The following FNIP2 variants were observed in gnomAD, a reference collection of about 807,000 sequenced individuals.
FNIP2 encodes folliculin-interacting protein 2.
FNIP2 carries 32 observed loss-of-function variants against 108.7 expected under a neutral mutation model. That is an observed-to-expected ratio of 0.29 (90% CI 0.22 to 0.40). The LOEUF is 0.40. FNIP2 is among the 10% of genes least tolerant of loss of function. The pLI, the probability that FNIP2 is intolerant of heterozygous loss-of-function variation, is 1.00. For missense variants in FNIP2, 1,202 were observed against 1,381.6 expected, an observed-to-expected ratio of 0.87 and a Z score of 2.06; for synonymous variants, 480 against 496.7, an observed-to-expected ratio of 0.97 and a Z score of 0.45.
In FNIP2 at chr4:158,869,229, G is replaced by A. The variant is rs759181083; in HGVS notation, c.2593G>A (p.Val865Met). ...PRCVQRGPGLVAGANIPCGDD... is the reference protein window; with the variant it reads ...PRCVQRGPGLMAGANIPCGDD... ...GTGTGTCCAGCGGGGCCCTGGCCTC[G>A]TGGCTGGTGCGAATATCCCCTGTGG... is the stretch of plus-strand genomic sequence containing the variant. Residue 865 changes from valine to methionine, a missense_variant, in exon 13 of 17, where the codon GTG (valine) becomes ATG (methionine). Coordinates refer to ENST00000264433, the MANE Select transcript of FNIP2 (RefSeq NM_020840.3). 10 of 1,613,946 alleles carry A rather than the reference G, an allele frequency of 6.2e-6. No homozygotes were observed. The East Asian group carries it at 1.1e-4, about 18-fold the overall frequency.
intron 8 of FNIP2, among the ~76,000 whole-genome samples, chr4:158,854,798 A>ATTC (rs998885760): frequency 3.9e-5 from 6 of 152,204 alleles, no homozygotes; most frequent in African/African-American, 1.4e-4. Context: ...TCTTGTCGGA[A>ATTC]TTCTTTTTGA....
In FNIP2 at chr4:158,893,722, A is replaced by C. The variant is rs755504427; in HGVS notation, c.3151-2028A>C. ...TAGAGGTTAATGTTTCCTTTTCTGT[A>C]AGAGAAGTAATGTATATTAGACTTC... On this transcript the variant is annotated intron_variant, in intron 15 of 16. Coordinates refer to ENST00000264433, the MANE Select transcript of FNIP2 (RefSeq NM_020840.3). 3 of 1,574,538 alleles carry C rather than the reference A, an allele frequency of 1.9e-6. No homozygotes were observed. The African/African-American group carries it at 4.0e-5, about 21-fold the overall frequency.
At chr4:158,899,090 A>G (rs1782961619) in intron 16 of FNIP2, among the ~76,000 whole-genome samples, 1 of 152,122 alleles carries the variant, frequency 6.6e-6, no homozygotes, top group Non-Finnish European at 1.5e-5. Context: ...TTCTGCATCT[A>G]TTGAGATGAG....
intron 1 of FNIP2, among the ~76,000 whole-genome samples, chr4:158,794,402 C>G (rs1409619642): frequency 6.6e-6 from 1 of 152,142 alleles, no homozygotes; most frequent in Non-Finnish European, 1.5e-5. Flanking sequence ...GTGATCCTCC[C>G]AAGTGAGCCT....
chr4:158,825,362 G>A (rs981606705), intron 1 of FNIP2, among the ~76,000 whole-genome samples: 8 of 152,138 alleles, frequency 5.3e-5, no homozygotes, highest in African/African-American at 1.9e-4. Context: ...CTACAGTGAT[G>A]CACTTGGTTT....
chr4:158,816,498 C>T (rs1777575092), intron 1 of FNIP2, among the ~76,000 whole-genome samples: 1 of 152,064 alleles, frequency 6.6e-6, no homozygotes, highest in Admixed American at 6.6e-5. Flanking sequence ...AAAGAATTAG[C>T]TCGGCCAGGC....
intron 1 of FNIP2, among the ~76,000 whole-genome samples, chr4:158,776,116 T>C (rs1029742581): frequency 1.3e-5 from 2 of 152,240 alleles, no homozygotes; most frequent in Admixed American, 1.3e-4. Flanking sequence ...TATGTGCTGA[T>C]GTCTAATTGA....
At chr4:158,882,851 A>T (rs1031351411) in intron 14 of FNIP2, among the ~76,000 whole-genome samples, 2 of 152,174 alleles carry the variant, frequency 1.3e-5, no homozygotes, top group Non-Finnish European at 2.9e-5. Flanking sequence ...CCAGGGACAC[A>T]AATACTGCGG....
intron 7 of FNIP2, among the ~76,000 whole-genome samples, chr4:158,849,906 C>T (rs1025342838): frequency 6.6e-6 from 1 of 151,992 alleles, no homozygotes; most frequent in African/African-American, 2.4e-5. Context: ...TTAAGACCTA[C>T]CAAACAAATT....
chr4:158,829,107 C>T lies in FNIP2; in HGVS notation c.263C>T (p.Ser88Leu). ...ACAGAGGATGTTCCTATTAAAATAT[C>T]AGCCAAGTGCTGCCAGGGAAGCAGC... Reference protein sequence around the residue: ...QKTEDVPIKISAKCCQGSSSV... With the variant: ...QKTEDVPIKILAKCCQGSSSV... Residue 88 changes from serine to leucine, a missense_variant, in exon 3 of 17, where the codon TCA becomes TTA. This residue lies in a region of FNIP2 where 173 missense variants were observed against 165.9 expected (regional missense o/e 1.04). Coordinates refer to ENST00000264433, the MANE Select transcript of FNIP2 (RefSeq NM_020840.3). 1.2e-6 allele frequency: 2 copies of T among 1,611,140 alleles called. No homozygotes were observed. The highest frequency in any genetic ancestry group is 1.7e-6 in the Non-Finnish European group (2 of 1,178,640).
chr4:158,864,242 C>T (rs1292960696), intron 12 of FNIP2, among the ~76,000 whole-genome samples: 5 of 152,186 alleles, frequency 3.3e-5, no homozygotes. Flanking sequence ...GCAGGCTGGT[C>T]GCTGGTCTTG....
chr4:158,813,748 C>T (rs962297325), intron 1 of FNIP2, among the ~76,000 whole-genome samples: 3 of 152,150 alleles, frequency 2.0e-5, no homozygotes, highest in African/African-American at 4.8e-5. Context: ...GAGAATCCTT[C>T]GCCATGCTCA....
intron 16 of FNIP2, among the ~76,000 whole-genome samples, chr4:158,896,196 G>A (rs138846099): frequency 1.3e-5 from 2 of 152,328 alleles, no homozygotes; most frequent in Admixed American, 1.3e-4. Flanking sequence ...GTCACAAGCT[G>A]TGGGACATGC....
At chr4:158,862,288 A>G (rs1780340161) in intron 12 of FNIP2, among the ~76,000 whole-genome samples, 1 of 152,188 alleles carries the variant, frequency 6.6e-6, no homozygotes, top group Non-Finnish European at 1.5e-5. Context: ...GAAAGCTGAC[A>G]CTGTGAGCCA....
chr4:158,794,716 A>G (rs1490806033), intron 1 of FNIP2: 3 of 152,460 alleles, frequency 2.0e-5, no homozygotes, highest in East Asian at 3.9e-4. Flanking sequence ...TTCTTATTGC[A>G]GTTTTAAATA....
chr4:158,893,774 A>G (rs767781768), intron 15 of FNIP2: 1 of 1,232,368 alleles, frequency 8.1e-7, no homozygotes, highest in Non-Finnish European at 1.2e-6. Flanking sequence ...GTATTTGCCA[A>G]ACTTTTATAT....
At chr4:158,877,551 G>A (rs1471556713) in intron 14 of FNIP2, among the ~76,000 whole-genome samples, 1 of 152,322 alleles carries the variant, frequency 6.6e-6, no homozygotes, top group East Asian at 1.9e-4. Flanking sequence ...GGCCATATGT[G>A]ATTGTTACCC....
At chr4:158,790,784 G>T (rs1776387423) in intron 1 of FNIP2, among the ~76,000 whole-genome samples, 1 of 151,732 alleles carries the variant, frequency 6.6e-6, no homozygotes, top group African/African-American at 2.4e-5. Flanking sequence ...TAATAAAAGT[G>T]ATCAGTAAAG....
At chr4:158,861,586 A>T in intron 11 of FNIP2, 21 bp from the exon 12 acceptor site, 5 of 1,613,960 alleles carry the variant, frequency 3.1e-6, no homozygotes, top group Non-Finnish European at 4.2e-6. Context: ...AGTTGGTTGT[A>T]TCTTTTTCCA....
Sources: gnomAD v4.1 joint callset for allele counts (sites outside exome capture counted in the v4.1 genomes callset) on GRCh38, gnomAD v4.1.1 for gene constraint, gnomAD v4.1.1 regional missense constraint, MANE v1.5 for transcripts, NCBI Gene and HGNC (gene_info 2026-07-23, HGNC 2026-07-21) for gene names.